Variants in BMPR1B observed in about 807,000 individuals in gnomAD.
The protein encoded by BMPR1B is bone morphogenetic protein receptor type-1B.
In BMPR1B, 12 loss-of-function variants were observed where a neutral mutation model predicts 59.1. That is an observed-to-expected ratio of 0.20 (90% CI 0.13 to 0.33). The LOEUF (loss-of-function observed/expected upper bound fraction) is 0.33, where lower values mean the gene tolerates loss of function less well. BMPR1B is among the 10% of genes least tolerant of loss of function. The probability of loss-of-function intolerance (pLI) is 1.00; values close to 1 mark genes in which losing one functional copy is unlikely to be tolerated. For missense variants in BMPR1B, 550 were observed against 610.9 expected, an observed-to-expected ratio of 0.90 and a Z score of 1.05; for synonymous variants, 237 against 207.3, an observed-to-expected ratio of 1.14 and a Z score of -1.23.
chr4:95,105,657 G>T (rs1731150937), intron 4 of BMPR1B, among the ~76,000 whole-genome samples: 1 of 151,932 alleles, frequency 6.6e-6, no homozygotes, highest in African/African-American at 2.4e-5. Context: ...CATTTAATCA[G>T]CAAAACAACT....
intron 2 of BMPR1B, among the ~76,000 whole-genome samples, chr4:94,954,281 T>C (rs762748371): frequency 3.4e-4 from 52 of 152,322 alleles, no homozygotes; most frequent in Non-Finnish European, 6.3e-4. Flanking sequence ...CTGATTCTTT[T>C]CTCTCCGTCT....
intron 3 of BMPR1B, among the ~76,000 whole-genome samples, chr4:95,078,066 C>A (rs1046482007): frequency 6.6e-6 from 1 of 152,126 alleles, no homozygotes; most frequent in African/African-American, 2.4e-5. Flanking sequence ...GTTCTTTATG[C>A]AGTGATACAG....
At chr4:95,088,450 T>C (rs1307668288) in intron 3 of BMPR1B, among the ~76,000 whole-genome samples, 1 of 152,184 alleles carries the variant, frequency 6.6e-6, no homozygotes, top group Non-Finnish European at 1.5e-5. Context: ...TTATCATGAT[T>C]TTAGCATGCT....
chr4:94,910,607 TACAATATTAAAA>T (rs1163006712), intron 2 of BMPR1B, among the ~76,000 whole-genome samples: 1 of 152,066 alleles, frequency 6.6e-6, no homozygotes, highest in Non-Finnish European at 1.5e-5. Context: ...GAAATTAAAC[TACAATATTAAAA>T]ATTTCAGGCC....
At chr4:94,826,243 G>A (rs1216183255) in intron 1 of BMPR1B, among the ~76,000 whole-genome samples, 6 of 152,160 alleles carry the variant, frequency 3.9e-5, no homozygotes, top group Non-Finnish European at 7.3e-5. Flanking sequence ...TTCGGCTGTG[G>A]TCTTTCGGTA....
At chr4:94,927,200 G>A (rs150534091) in intron 2 of BMPR1B, among the ~76,000 whole-genome samples, 60 of 152,200 alleles carry the variant, frequency 3.9e-4, no homozygotes, top group Non-Finnish European at 7.1e-4. Context: ...CTTCAAACTC[G>A]TGCTAACATA....
intron 10 of BMPR1B, among the ~76,000 whole-genome samples, chr4:95,142,235 T>G (rs2149317688): frequency 6.6e-6 from 1 of 152,336 alleles, no homozygotes; most frequent in Admixed American, 6.5e-5. Context: ...GTTCCTCAGC[T>G]ATCTCCAGGA....
intron 3 of BMPR1B, among the ~76,000 whole-genome samples, chr4:95,091,248 C>G (rs1463312021): frequency 6.6e-6 from 1 of 151,348 alleles, no homozygotes; most frequent in African/African-American, 2.4e-5. Flanking sequence ...TTTCCTTTTT[C>G]TTTTCTTTCT....
intron 2 of BMPR1B, among the ~76,000 whole-genome samples, chr4:94,905,240 C>A (rs1727991470): frequency 6.6e-6 from 1 of 151,944 alleles, no homozygotes; most frequent in South Asian, 2.1e-4. Context: ...CAAAAAATAG[C>A]AAATTATGTT....
intron 1 of BMPR1B, among the ~76,000 whole-genome samples, chr4:94,769,104 T>G (rs752940319): frequency 3.3e-5 from 5 of 152,218 alleles, no homozygotes; most frequent in African/African-American, 7.2e-5. Flanking sequence ...TTACTCTAAT[T>G]CCTTTTCTAA....
intron 2 of BMPR1B, among the ~76,000 whole-genome samples, chr4:94,934,325 T>C (rs1729204427): frequency 6.6e-6 from 1 of 152,096 alleles, no homozygotes; most frequent in Admixed American, 6.6e-5. Flanking sequence ...TTTATTTTTC[T>C]CCTAATCACT....
intron 2 of BMPR1B, among the ~76,000 whole-genome samples, chr4:94,969,817 T>A (rs1291909482): frequency 6.6e-6 from 1 of 152,208 alleles, no homozygotes; most frequent in East Asian, 1.9e-4. Flanking sequence ...GTCTGGCAGA[T>A]GGTATTTGCC....
intron 2 of BMPR1B, among the ~76,000 whole-genome samples, chr4:94,896,923 T>G (rs537443781): frequency 4.6e-5 from 7 of 152,078 alleles, no homozygotes; most frequent in Non-Finnish European, 8.8e-5. Flanking sequence ...ATCTCCATAG[T>G]ATTTATGATT....
intron 2 of BMPR1B, among the ~76,000 whole-genome samples, chr4:94,920,882 A>G (rs902782092): frequency 6.6e-6 from 1 of 152,156 alleles, no homozygotes; most frequent in African/African-American, 2.4e-5. Flanking sequence ...AAATATTTTT[A>G]TGTGTTCTTT....
intron 2 of BMPR1B, among the ~76,000 whole-genome samples, chr4:94,975,822 C>G (rs1253448861): frequency 6.6e-6 from 1 of 152,138 alleles, no homozygotes; most frequent in Non-Finnish European, 1.5e-5. Flanking sequence ...TACCAGGTAT[C>G]TATTGCTGTT....
At chr4:95,146,812 G>A (rs1007005020) in intron 10 of BMPR1B, among the ~76,000 whole-genome samples, 2 of 152,172 alleles carry the variant, frequency 1.3e-5, no homozygotes, top group African/African-American at 2.4e-5. Flanking sequence ...AGTAGGAGGA[G>A]AGCGTGCTTT....
chr4:94,970,716 A>G (rs1429076736), intron 2 of BMPR1B, among the ~76,000 whole-genome samples: 1 of 152,192 alleles, frequency 6.6e-6, no homozygotes. Context: ...GCATCACACA[A>G]TGTGTAATGA....
intron 3 of BMPR1B, among the ~76,000 whole-genome samples, chr4:95,043,081 A>G (rs913496887): frequency 2.1e-5 from 3 of 143,510 alleles, no homozygotes; most frequent in Non-Finnish European, 4.5e-5. Context: ...AGGCTGAGGC[A>G]GGAGAATGGC....
At chr4:94,865,557 A>AT (rs777685139) in intron 1 of BMPR1B, among the ~76,000 whole-genome samples, 1 of 151,142 alleles carries the variant, frequency 6.6e-6, no homozygotes. Context: ...CCCCTGGCTA[A>AT]TTTTTTTTAA....
Sources: allele counts gnomAD v4.1 joint callset (sites outside exome capture counted in the v4.1 genomes callset), GRCh38; gene constraint gnomAD v4.1.1; transcripts MANE v1.5; gene names NCBI Gene and HGNC (gene_info 2026-07-23, HGNC 2026-07-21).